Variants in SOX5 observed in about 807,000 individuals in gnomAD.
The protein encoded by SOX5 is transcription factor SOX-5.
A neutral mutation model predicts 92.0 loss-of-function variants in SOX5; 9 were observed. The observed-to-expected ratio is 0.10, with a 90% CI of 0.06 to 0.17. SOX5 has a LOEUF of 0.17. Ranked by LOEUF, SOX5 falls within the 10% of genes least tolerant of loss-of-function variation. The probability of loss-of-function intolerance (pLI) is 1.00; values close to 1 mark genes in which losing one functional copy is unlikely to be tolerated. For synonymous variants in SOX5, 344 were observed against 336.3 expected (o/e 1.02, Z -0.25); for missense variants, 642 against 944.5 (o/e 0.68, Z 4.20).
chr12:23,554,618 G>C (rs1006480590), intron 11 of SOX5, among the ~76,000 whole-genome samples: 2 of 152,138 alleles, frequency 1.3e-5, no homozygotes, highest in Admixed American at 6.5e-5. Context: ...AAATATGAAG[G>C]GAAAGCCATG....
Position 23,531,318 on chromosome 12 carries a change from T to TAACA in SOX5, c.*2897_*2900dup, listed in dbSNP as rs749049949. ...AATTTCAGCAGTTAAAAGTCACCATTAACAATTTTGTTTTCCCCTTCAAAT... is the reference window on the plus strand; with the variant it reads ...AATTTCAGCAGTTAAAAGTCACCATTAACAAACAATTTTGTTTTCCCCTTCAAAT... On this transcript the variant is annotated 3_prime_UTR_variant, in exon 15 of 15. Transcript: ENST00000451604. 6.6e-6 allele frequency: 1 copy of TAACA among 152,136 alleles called. No individual in the cohort carries two copies. Among genetic ancestry groups the TAACA allele is most frequent in the Non-Finnish European group, 1.5e-5 (1 of 68,012 alleles). 9.4% of individuals were successfully genotyped at this position (152,136 alleles called of 1,614,324 possible). A position where few individuals can be genotyped will look rare whatever the true frequency, so the allele number is the denominator to read the frequency against.
intron 3 of SOX5, among the ~76,000 whole-genome samples, chr12:24,263,572 AAAGG>A (rs890645139): frequency 7.9e-5 from 12 of 151,180 alleles, no homozygotes; most frequent in Admixed American, 7.3e-4. Flanking sequence ...GAAATTACTA[AAAGG>A]AAGATGAAAC....
At chr12:23,888,226 T>C (rs769239694) in intron 2 of SOX5, among the ~76,000 whole-genome samples, 1 of 152,158 alleles carries the variant, frequency 6.6e-6, no homozygotes, top group East Asian at 1.9e-4. Flanking sequence ...TCTGCAGCAC[T>C]CCCTATTAAA....
chr12:24,068,704 G>GTGTGTGTGTA (rs1444359956), intron 4 of SOX5, among the ~76,000 whole-genome samples: 7 of 74,320 alleles, frequency 9.4e-5, no homozygotes, highest in African/African-American at 3.9e-4. Flanking sequence ...GTGTGTGTGT[G>GTGTGTGTGTA]TATATATATA....
intron 3 of SOX5, among the ~76,000 whole-genome samples, chr12:24,267,712 C>A (rs532909111): frequency 6.6e-6 from 1 of 152,190 alleles, no homozygotes; most frequent in African/African-American, 2.4e-5. Flanking sequence ...TGCTTGTTCA[C>A]ATATATTATG....
At chr12:23,821,174 C>G (rs1459727368) in intron 3 of SOX5, among the ~76,000 whole-genome samples, 1 of 152,080 alleles carries the variant, frequency 6.6e-6, no homozygotes, top group Non-Finnish European at 1.5e-5. Flanking sequence ...ATATTTTATT[C>G]CCTTTGTAGC....
intron 4 of SOX5, among the ~76,000 whole-genome samples, chr12:23,998,227 T>C (rs138390743): frequency 1.1e-4 from 16 of 152,198 alleles, no homozygotes; most frequent in African/African-American, 3.4e-4. Context: ...TGATCAAACA[T>C]ACATCAATAC....
In SOX5 at chr12:24,516,449, T is replaced by A. The variant is rs73291658; in HGVS notation, c.-251+45880A>T. ...ATTGCCCTCAACATAAACAAGTGTATCTGGCATATGAAAGTCTCCCAATAA... is the reference window on the plus strand; with the variant it reads ...ATTGCCCTCAACATAAACAAGTGTAACTGGCATATGAAAGTCTCCCAATAA... On this transcript the variant is annotated intron_variant, in intron 1 of 4. Coordinates refer to the SOX5 transcript ENST00000446891. 1.9e-3 allele frequency among the ~76,000 whole-genome samples: 283 copies of A among 152,284 alleles called. 1 individual carries two copies. Among genetic ancestry groups the A allele is most frequent in the African/African-American group, 6.6e-3 (273 of 41,552 alleles).
intron 13 of SOX5, among the ~76,000 whole-genome samples, chr12:23,539,797 TATA>T (rs1941524379): frequency 6.6e-6 from 1 of 152,030 alleles, no homozygotes; most frequent in African/African-American, 2.4e-5. Context: ...AATATGGCCA[TATA>T]ATAATTCCAA....
chr12:24,414,828 T>A (rs187811489), intron 1 of SOX5, among the ~76,000 whole-genome samples: 123 of 152,358 alleles, frequency 8.1e-4, no homozygotes, highest in Middle Eastern at 3.4e-3. Context: ...AATGCTGTGC[T>A]CTCCCCACAT....
At chr12:23,859,069 A>G (rs1038491186) in intron 2 of SOX5, among the ~76,000 whole-genome samples, 1 of 152,092 alleles carries the variant, frequency 6.6e-6, no homozygotes, top group Middle Eastern at 3.4e-3. Flanking sequence ...TAACTGTACA[A>G]ATTGTAAAAC....
chr12:24,152,626 C>T (rs1002756142), intron 4 of SOX5, among the ~76,000 whole-genome samples: 1 of 152,020 alleles, frequency 6.6e-6, no homozygotes, highest in African/African-American at 2.4e-5. Flanking sequence ...AACATGCTTA[C>T]CCACCAACAT....
intron 3 of SOX5, among the ~76,000 whole-genome samples, chr12:23,812,126 T>C (rs938975340): frequency 1.6e-4 from 24 of 152,190 alleles, no homozygotes; most frequent in Non-Finnish European, 1.5e-5. Flanking sequence ...TGAAATGAAC[T>C]GAAACAACAC....
intron 1 of SOX5, among the ~76,000 whole-genome samples, chr12:24,444,685 TAC>T (rs1327197330): frequency 2.0e-5 from 3 of 152,120 alleles, no homozygotes; most frequent in Non-Finnish European, 2.9e-5. Flanking sequence ...CATCCAAAAC[TAC>T]ACTCCATCCC....
chr12:24,331,450 G>T (rs553812058), intron 2 of SOX5: 1 of 152,122 alleles, frequency 6.6e-6, no homozygotes, highest in Admixed American at 6.5e-5. Flanking sequence ...TAGTAGAAAG[G>T]AAGAGATATT....
intron 2 of SOX5, among the ~76,000 whole-genome samples, chr12:23,861,210 G>T (rs1369051129): frequency 6.6e-6 from 1 of 152,098 alleles, no homozygotes; most frequent in Non-Finnish European, 1.5e-5. Context: ...CTGAGTTCTT[G>T]GTGCTGTGTG....
At chr12:24,499,328 G>A (rs1947954925) in intron 1 of SOX5, among the ~76,000 whole-genome samples, 1 of 152,160 alleles carries the variant, frequency 6.6e-6, no homozygotes, top group Non-Finnish European at 1.5e-5. Context: ...GGGCTTAAGA[G>A]GAATGTCTTG....
intron 4 of SOX5, among the ~76,000 whole-genome samples, chr12:24,050,350 G>A (rs1957449549): frequency 6.6e-6 from 1 of 152,044 alleles, no homozygotes; most frequent in Admixed American, 6.6e-5. Flanking sequence ...TTACTCAGAG[G>A]ATCATAAGCT....
chr12:24,479,690 G>A (rs1240231826), intron 1 of SOX5, among the ~76,000 whole-genome samples: 1 of 151,732 alleles, frequency 6.6e-6, no homozygotes, highest in East Asian at 1.9e-4. Flanking sequence ...TGGGGGGACA[G>A]AGTCTCACTC....
Sources: allele counts gnomAD v4.1 joint callset (sites outside exome capture counted in the v4.1 genomes callset), GRCh38; gene constraint gnomAD v4.1.1; transcripts MANE v1.5; gene names NCBI Gene and HGNC (gene_info 2026-07-23, HGNC 2026-07-21).